Variants in WNK3 observed in about 807,000 individuals in gnomAD.
WNK3 encodes WNK lysine deficient protein kinase 3.
A neutral mutation model predicts 116.7 loss-of-function variants in WNK3; 18 were observed. The observed-to-expected ratio is 0.15, with a 90% CI of 0.11 to 0.23. WNK3 has a LOEUF of 0.23. WNK3 is among the 10% of genes least tolerant of loss of function. The pLI, the probability that WNK3 is intolerant of heterozygous loss-of-function variation, is 1.00. For missense variants in WNK3, 993 were observed against 1,323.8 expected (o/e 0.75, Z 3.88); for synonymous variants, 404 against 469.4 (o/e 0.86, Z 1.80).
intron 1 of WNK3, among the ~76,000 whole-genome samples, chrX:54,357,327 C>G (rs1219311779): frequency 9.1e-6 from 1 of 109,652 alleles, no homozygotes; most frequent in Admixed American, 9.8e-5. Context: ...AAAGTTGTCA[C>G]CCCTCAACAA....
chrX:54,234,564 C>T lies in WNK3; in HGVS notation c.4629-1544G>A, dbSNP rs782774773. Among the ~76,000 whole-genome samples, 23 of 111,348 alleles carry T rather than the reference C, an allele frequency of 2.1e-4. 1 individual carries two copies. Among genetic ancestry groups the T allele is most frequent in the Non-Finnish European group, 4.2e-4 (22 of 52,969 alleles). ...ATAGAAGGCCAGGTGCAATGGCTCA[C>T]GCCTGTAATCCCAGCACTTTGGGAG... is the stretch of plus-strand genomic sequence containing the variant. On this transcript the variant is annotated intron_variant, in intron 20 of 23. Transcript: ENST00000354646.
At chrX:54,232,074 T>C (rs1357694922) in intron 21 of WNK3, among the ~76,000 whole-genome samples, 1 of 104,539 alleles carries the variant, frequency 9.6e-6, no homozygotes, top group African/African-American at 3.6e-5. Flanking sequence ...TCTTGTTGAG[T>C]GTGTGTGTGT....
intron 6 of WNK3, among the ~76,000 whole-genome samples, chrX:54,299,174 C>T (rs2068729703): frequency 1.8e-5 from 2 of 111,795 alleles, no homozygotes; most frequent in Admixed American, 9.6e-5. Context: ...CTCTGTATTA[C>T]AGGCCAGTGA....
At chrX:54,315,139 T>TA (rs1169391130) in intron 2 of WNK3, among the ~76,000 whole-genome samples, 5 of 107,209 alleles carry the variant, frequency 4.7e-5, no homozygotes, top group African/African-American at 1.0e-4. Flanking sequence ...CTACTAAAAA[T>TA]AAAAAAAATC....
At chrX:54,250,348 C>T (rs1206956236) in intron 15 of WNK3, among the ~76,000 whole-genome samples, 1 of 111,482 alleles carries the variant, frequency 9.0e-6, no homozygotes, top group Non-Finnish European at 1.9e-5. Flanking sequence ...TTAGATTCTA[C>T]TGAAACAAAT....
intron 1 of WNK3, among the ~76,000 whole-genome samples, chrX:54,344,330 C>G (rs2069376384): frequency 9.1e-6 from 1 of 110,270 alleles, no homozygotes; most frequent in Non-Finnish European, 1.9e-5. Flanking sequence ...GTAGTCCCAG[C>G]TACTCCGGAG....
intron 2 of WNK3, among the ~76,000 whole-genome samples, chrX:54,312,285 C>T (rs782439314): frequency 9.0e-6 from 1 of 110,799 alleles, no homozygotes; most frequent in African/African-American, 3.3e-5. Context: ...AAGATCATGC[C>T]ACTGCACTCC....
exon 24 of WNK3, chrX:54,197,440 G>A (rs2067453774): frequency 9.0e-6 from 1 of 111,659 alleles, no homozygotes; most frequent in African/African-American, 3.3e-5. Flanking sequence ...ATTTAAAAAG[G>A]GCTCATGTTC....
At chrX:54,232,422 G>A (rs782498050) in intron 21 of WNK3, among the ~76,000 whole-genome samples, 5 of 111,570 alleles carry the variant, frequency 4.5e-5, no homozygotes, top group East Asian at 2.8e-4. Flanking sequence ...GATTACAGGC[G>A]TGAGCCACTG....
At chrX:54,282,127 C>T (rs1169342977) in intron 10 of WNK3, among the ~76,000 whole-genome samples, 1 of 109,574 alleles carries the variant, frequency 9.1e-6, no homozygotes, top group Non-Finnish European at 1.9e-5. Flanking sequence ...GCAGCCTTGA[C>T]CTCTTGGGTT....
intron 6 of WNK3, among the ~76,000 whole-genome samples, chrX:54,301,160 T>A (rs1557167380): frequency 2.0e-5 from 2 of 102,247 alleles, no homozygotes; most frequent in South Asian, 4.5e-4. Flanking sequence ...GGAGAATCGC[T>A]GGAACCCGGG....
intron 7 of WNK3, among the ~76,000 whole-genome samples, chrX:54,297,889 C>T (rs999768512): frequency 2.7e-5 from 3 of 110,384 alleles, no homozygotes; most frequent in Non-Finnish European, 5.7e-5. Context: ...CTGACTAACA[C>T]GGTGAAATCC....
intron 5 of WNK3, among the ~76,000 whole-genome samples, chrX:54,305,042 T>C (rs372503189): frequency 6.4e-5 from 7 of 109,414 alleles, no homozygotes; most frequent in African/African-American, 2.3e-4. Flanking sequence ...TCCCAGCTAC[T>C]TGGGAGGCTG....
chrX:54,200,744 T>C (rs1395171583), intron 23 of WNK3, among the ~76,000 whole-genome samples: 3 of 111,314 alleles, frequency 2.7e-5, no homozygotes, highest in African/African-American at 9.8e-5. Context: ...CTCCAACTAG[T>C]CAACAAAAGC....
intron 13 of WNK3, among the ~76,000 whole-genome samples, chrX:54,252,815 T>A (rs1557154647): frequency 9.0e-6 from 1 of 110,759 alleles, no homozygotes; most frequent in African/African-American, 3.3e-5. Context: ...AATGTTTAAT[T>A]CTGCTTGGCT....
At chrX:54,301,004 A>T (rs1193042196) in intron 6 of WNK3, among the ~76,000 whole-genome samples, 1 of 110,858 alleles carries the variant, frequency 9.0e-6, no homozygotes, top group Non-Finnish European at 1.9e-5. Flanking sequence ...GCACTTTGGG[A>T]GGCTGAGACG....
chrX:54,326,341 C>T (rs895318061), intron 2 of WNK3, among the ~76,000 whole-genome samples: 3 of 111,311 alleles, frequency 2.7e-5, no homozygotes, highest in East Asian at 2.9e-4. Context: ...CCGCCTGCCT[C>T]GGCCTTCCAA....
intron 10 of WNK3, among the ~76,000 whole-genome samples, chrX:54,260,950 G>A (rs1471079001): frequency 3.8e-5 from 4 of 106,568 alleles, no homozygotes; most frequent in Non-Finnish European, 7.7e-5. Context: ...GGCTGGTCTC[G>A]AACTCCTGAC....
At chrX:54,275,376 A>G (rs1557160432) in intron 10 of WNK3, among the ~76,000 whole-genome samples, 1 of 104,905 alleles carries the variant, frequency 9.5e-6, no homozygotes, top group Non-Finnish European at 1.9e-5. Flanking sequence ...ATTTTACTAG[A>G]GGTGGTAAAA....
Sources: gnomAD v4.1 joint callset for allele counts (sites outside exome capture counted in the v4.1 genomes callset) on GRCh38, gnomAD v4.1.1 for gene constraint, MANE v1.5 for transcripts, NCBI Gene and HGNC (gene_info 2026-07-23, HGNC 2026-07-21) for gene names.